The following JPH2 variants were observed in gnomAD, a reference collection of about 807,000 sequenced individuals.
The protein encoded by JPH2 is junctophilin-2.
In JPH2, 38 loss-of-function variants were observed where a neutral mutation model predicts 55.9. The ratio of observed to expected loss-of-function variants is 0.68; its 90% CI spans 0.52 to 0.89. The LOEUF is 0.89. Ranked by LOEUF, JPH2 falls within the 40% of genes least tolerant of loss-of-function variation. The pLI, the probability that JPH2 is intolerant of heterozygous loss-of-function variation, is 0.00. For missense variants in JPH2, 964 were observed against 1,037.6 expected, an observed-to-expected ratio of 0.93 and a Z score of 0.97; for synonymous variants, 480 against 472.4, an observed-to-expected ratio of 1.02 and a Z score of -0.21.
intron 2 of JPH2, among the ~76,000 whole-genome samples, chr20:44,124,962 A>C (rs1166804656): frequency 1.3e-5 from 2 of 149,514 alleles, no homozygotes; most frequent in Non-Finnish European, 3.0e-5. Context: ...TACAAAAATC[A>C]GCTGGGCACG....
At chr20:44,125,976 A>G (rs569111937) in intron 2 of JPH2, among the ~76,000 whole-genome samples, 28 of 151,896 alleles carry the variant, frequency 1.8e-4, no homozygotes, top group African/African-American at 5.8e-4. Flanking sequence ...AAATAAAAAT[A>G]AAAACATTAG....
chr20:44,168,231 C>T (rs557607411), intron 1 of JPH2, among the ~76,000 whole-genome samples: 3 of 152,062 alleles, frequency 2.0e-5, no homozygotes, highest in South Asian at 2.1e-4. Flanking sequence ...ATTTTCTGCC[C>T]GGTTTGTAAG....
intron 2 of JPH2, among the ~76,000 whole-genome samples, chr20:44,142,652 C>T (rs186769079): frequency 6.6e-6 from 1 of 152,196 alleles, no homozygotes; most frequent in Admixed American, 6.5e-5. Flanking sequence ...GCAACTTGCC[C>T]GACCACAGGC....
chr20:44,134,694 TATATACA>T (rs2072388181), intron 2 of JPH2, among the ~76,000 whole-genome samples: 1 of 49,098 alleles, frequency 2.0e-5, no homozygotes. Flanking sequence ...ATTATAAATA[TATATACA>T]TTAATATATA....
At chr20:44,177,158 T>C (rs2072740879) in intron 1 of JPH2, 6 of 985,456 alleles carry the variant, frequency 6.1e-6, no homozygotes, top group Non-Finnish European at 7.2e-6. Context: ...CCCTAACTTC[T>C]CTCCTACTCT....
chr20:44,176,828 G>T (rs2072737679), intron 1 of JPH2: 3 of 975,022 alleles, frequency 3.1e-6, no homozygotes, highest in Non-Finnish European at 3.7e-6. Flanking sequence ...ATCCATAAAG[G>T]ATTCCAATTT....
At chr20:44,178,516 A>G (rs551469713) in intron 1 of JPH2, among the ~76,000 whole-genome samples, 4 of 152,342 alleles carry the variant, frequency 2.6e-5, no homozygotes, top group Non-Finnish European at 5.9e-5. Context: ...CATTCTCTCA[A>G]ACTGATCTAT....
rs1464087618 is a variant in JPH2, at chr20:44,110,638, C to T, written c.*2880G>A. Among the ~76,000 whole-genome samples the T allele has an allele frequency of 6.6e-6, 1 of 152,124 alleles. No homozygotes were observed. The highest frequency in any genetic ancestry group is 2.4e-5 in the African/African-American group (1 of 41,438). ...TAGAGATGGGGTTTTGCCATGTTGGCCAGGCTGGTCTCAAACTCCTGACCT... is the reference window on the plus strand; with the variant it reads ...TAGAGATGGGGTTTTGCCATGTTGGTCAGGCTGGTCTCAAACTCCTGACCT... On this transcript the variant is annotated 3_prime_UTR_variant, in exon 6 of 6. Transcript: ENST00000372980.
chr20:44,177,129 C>CGGGA, intron 1 of JPH2: 2 of 985,580 alleles, frequency 2.0e-6, no homozygotes, highest in Non-Finnish European at 2.4e-6. Flanking sequence ...GAAAGTTACA[C>CGGGA]GGGAGGGAGG....
chr20:44,166,935 G>T (rs2072659958), intron 1 of JPH2, among the ~76,000 whole-genome samples: 1 of 152,074 alleles, frequency 6.6e-6, no homozygotes, highest in African/African-American at 2.4e-5. Context: ...ACAAAACCTG[G>T]CAGGGGCCGC....
Position 44,160,250 on chromosome 20 carries a change from A to T in JPH2, c.537T>A (p.Ser179=), listed in dbSNP as rs886038779. ...GGCCGTCGGAGGCCGGCGAGGCGGG[A>T]GAGTCCGGGGCCACCGTGCCGTTGC... The part of the protein sequence containing the change: ...EHSNGTVAPD[S]PASPASDGPA... Residue 179 remains serine (S), a synonymous_variant, in exon 2 of 6, where the codon TCT becomes TCA. Transcript: ENST00000372980. The surrounding 1 kb of genome is among the most constrained non-coding windows in gnomAD (Gnocchi z 4.9). 4 of 1,515,242 alleles carry T rather than the reference A, an allele frequency of 2.6e-6. No individual in the cohort carries two copies. Among genetic ancestry groups the T allele is most frequent in the East Asian group, 2.6e-5 (1 of 38,880 alleles). The allele number at this position is 1,515,242 out of a possible 1,614,324, so 93.9% of individuals were successfully genotyped here. A position where few individuals can be genotyped will look rare whatever the true frequency, so the allele number is the denominator to read the frequency against.
At chr20:44,121,196 C>A (rs2072233751) in intron 2 of JPH2, among the ~76,000 whole-genome samples, 1 of 152,098 alleles carries the variant, frequency 6.6e-6, no homozygotes, top group African/African-American at 2.4e-5. Flanking sequence ...ATACGTTAGG[C>A]CCCTAAGAGG....
rs1202371777 is a variant in JPH2 at position 44,115,750 on chromosome 20, G to T, written c.1925C>A (p.Ala642Asp). The change falls in exon 4 of 6, where the codon GCT (alanine) becomes GAT (aspartate). Residue 642 changes from alanine (A) to aspartate (D), a missense_variant. By Grantham distance (126) the Ala-to-Asp change is moderately radical. Transcript: ENST00000372980. ...EPRAKARKTE[A>D]RGLTKAGAKK... The stretch of plus-strand genomic sequence containing the variant: ...GGCCCCCGCCTTGGTCAGCCCTCGA[G>T]CCTCAGTCTTGCGGGCCTTGGCCCT... 1 of 1,613,218 alleles carries T rather than the reference G, an allele frequency of 6.2e-7. No homozygotes were observed. The highest frequency in any genetic ancestry group is 1.7e-5 in the Admixed American group (1 of 60,024).
rs1012227498 is a variant in JPH2, at chr20:44,154,515, A to G, written c.1169+5103T>C. Among the ~76,000 whole-genome samples the G allele has an allele frequency of 3.9e-5, 6 of 152,166 alleles. No individual in the cohort carries two copies. In the South Asian group the frequency reaches 8.3e-4, roughly 21 times the overall value. On this transcript the variant is annotated intron_variant, in intron 2 of 5. Transcript: ENST00000372980. ...CAGCCCAGGTCTAGAATCTTTTTCA[A>G]TCCATAGCTCATTTTACAGGGAAGA... is the stretch of plus-strand genomic sequence containing the variant.
Position 44,160,361 on chromosome 20 carries a change from TCCGTAGCCATGGCGCATGCC to T in JPH2, c.406_425del (p.Gly136SerfsTer99). The T allele has an allele frequency of 6.2e-7, 1 of 1,603,054 alleles. No individual in the cohort carries two copies. Among genetic ancestry groups the T allele is most frequent in the Non-Finnish European group, 8.5e-7 (1 of 1,175,560 alleles). ...TCCCGTAGGGCACGCTCTGGCGTAC[TCCGTAGCCATGGCGCATGCC>T]GTTGGTGAACTGGCCTTGGTACGTC... On this transcript the variant is annotated frameshift_variant, in exon 2 of 6. Transcript: ENST00000372980. LOFTEE classifies it high-confidence loss of function. The surrounding 1 kb of genome is among the most constrained non-coding windows in gnomAD (Gnocchi z 4.9).
At chr20:44,183,523 C>T (rs2072804607) in intron 1 of JPH2, among the ~76,000 whole-genome samples, 1 of 152,226 alleles carries the variant, frequency 6.6e-6, no homozygotes, top group South Asian at 2.1e-4. Context: ...TATCCTGCAT[C>T]TGAGGCTGCT....
At chr20:44,114,561 AGTAAGT>A (rs1451741996) in intron 5 of JPH2, among the ~76,000 whole-genome samples, 1 of 132,296 alleles carries the variant, frequency 7.6e-6, no homozygotes, top group African/African-American at 2.9e-5. Flanking sequence ...AAGCTAATGA[AGTAAGT>A]GTGTGTGTGT....
At chr20:44,184,138 C>T (rs1329662212) in intron 1 of JPH2, among the ~76,000 whole-genome samples, 1 of 152,170 alleles carries the variant, frequency 6.6e-6, no homozygotes, top group African/African-American at 2.4e-5. Flanking sequence ...GCCTGGGCGA[C>T]AGAGTAAGAC....
Position 44,116,039 on chromosome 20 carries a change from C to T in JPH2, c.1636G>A (p.Glu546Lys), listed in dbSNP as rs2145838499. ...GGCGCAGGCGGTGCCTGCAGAGCCT[C>T]GATGGCCATGCGCTCGGTGGCTGGA... ...ARPATERMAI[E>K]ALQAPPAPSR... The change falls in exon 4 of 6, where the codon GAG becomes AAG. Residue 546 changes from glutamate to lysine, a missense_variant. By Grantham distance (56) the Glu-to-Lys change is moderately conservative. Coordinates refer to ENST00000372980, the MANE Select transcript of JPH2 (RefSeq NM_020433.5). 2 of 1,573,634 alleles carry T rather than the reference C, an allele frequency of 1.3e-6. No homozygotes were observed. Among genetic ancestry groups the T allele is most frequent in the East Asian group, 2.3e-5 (1 of 43,214 alleles).
Sources: gnomAD v4.1 joint callset for allele counts (sites outside exome capture counted in the v4.1 genomes callset) on GRCh38, gnomAD v4.1.1 for gene constraint, Gnocchi (gnomAD v3.1) non-coding constraint, MANE v1.5 for transcripts, NCBI Gene and HGNC (gene_info 2026-07-23, HGNC 2026-07-21) for gene names.